HTT-AS: variants seen among roughly 807,000 people sequenced by gnomAD.
HTT-AS encodes HTT antisense RNA.
At chr4:3,069,344 T>C (rs147272122) in intron 1 of HTT-AS, among the ~76,000 whole-genome samples, 13,703 of 150,202 alleles carry the variant, frequency 0.091, 1,007 homozygotes, top group African/African-American at 0.2. Flanking sequence ...TTAGTAGAGA[T>C]GGGGTTTCAC....
Position 3,067,227 on chromosome 4 carries a change from G to A in HTT-AS, n.114-3527C>T, listed in dbSNP as rs1044575721. Among the ~76,000 whole-genome samples the A allele has an allele frequency of 5.9e-5, 9 of 152,144 alleles. No homozygotes were observed. In the South Asian group the frequency reaches 1.0e-3, roughly 18 times the overall value. On this transcript the variant is annotated intron_variant and non_coding_transcript_variant, in intron 1 of 2. Coordinates refer to ENST00000664062, the Ensembl canonical transcript of HTT-AS. ...AAGGAATGGAAAATGCAGAAGAAAG[G>A]ATATGGTGAGAGGATCTAATATACA...
chr4:3,069,151 T>A (rs76326763), intron 1 of HTT-AS, among the ~76,000 whole-genome samples: 6 of 95,462 alleles, frequency 6.3e-5, no homozygotes, highest in African/African-American at 1.4e-4. Context: ...ACGGTGTATG[T>A]TTTTTTTTTT....
chr4:3,074,575 G>C (rs550085802), upstream of HTT-AS: 316 of 366,326 alleles, frequency 8.6e-4, 10 homozygotes, highest in Admixed American at 1.9e-3. Flanking sequence ...CATTGGCAGA[G>C]TCCGCAGGCT....
intron 2 of HTT-AS, among the ~76,000 whole-genome samples, chr4:3,059,644 C>T (rs145738904): frequency 2.0e-3 from 307 of 152,002 alleles, no homozygotes; most frequent in African/African-American, 7.1e-3. Flanking sequence ...GGCTGGAGTG[C>T]AGTGGCCTGA....
chr4:3,071,625 G>A lies in HTT-AS; in HGVS notation n.113+2801C>T, dbSNP rs74433244. Among the ~76,000 whole-genome samples the A allele has an allele frequency of 2.4e-4, 37 of 152,240 alleles. 1 individual carries two copies. The East Asian group carries it at 7.1e-3, about 29-fold the overall frequency. ...ACTCTATTACTTATTGTTATGGGAC[G>A]AACTGTGTCCCTCATTCAGGTTGAT... On this transcript the variant is annotated intron_variant and non_coding_transcript_variant, in intron 1 of 2. Transcript: ENST00000664062.
chr4:3,058,460 G>A (rs1262809642), intron 2 of HTT-AS, among the ~76,000 whole-genome samples: 2 of 152,208 alleles, frequency 1.3e-5, no homozygotes, highest in African/African-American at 2.4e-5. Flanking sequence ...TGAGCTGTGA[G>A]AACAACCAGA....
At chr4:3,063,843 G>T (rs1711990602) in intron 1 of HTT-AS, 1 of 152,178 alleles carries the variant, frequency 6.6e-6, no homozygotes, top group African/African-American at 2.4e-5. Flanking sequence ...GCCAATAAAA[G>T]ATGATTTTAT....
chr4:3,047,203 C>T (rs575456634), downstream of HTT-AS, among the ~76,000 whole-genome samples: 991 of 152,028 alleles, frequency 6.5e-3, 5 homozygotes, highest in Non-Finnish European at 8.5e-3. Context: ...CCCAGCTACT[C>T]GGGAGGCTGA....
At chr4:3,074,588 G>C (rs1712349276), upstream of HTT-AS, 1 of 407,522 alleles carries the variant, frequency 2.5e-6, no homozygotes, top group Non-Finnish European at 4.2e-6. Context: ...CGCAGGCTAG[G>C]GCTGTCAATC....
intron 2 of HTT-AS, among the ~76,000 whole-genome samples, chr4:3,051,832 G>T (rs1249969131): frequency 6.6e-6 from 1 of 151,934 alleles, no homozygotes; most frequent in African/African-American, 2.4e-5. Context: ...CCATAAGCTT[G>T]CTCGCCGCTC....
chr4:3,046,354 C>T (rs1051147444), downstream of HTT-AS, among the ~76,000 whole-genome samples: 19 of 152,196 alleles, frequency 1.2e-4, no homozygotes, highest in Non-Finnish European at 1.9e-4. Flanking sequence ...AGTTTGAACT[C>T]TCAGCAGTGT....
exon 2 of HTT-AS, among the ~76,000 whole-genome samples, chr4:3,062,701 G>C (rs535133517): frequency 1.3e-5 from 2 of 151,682 alleles, no homozygotes; most frequent in Admixed American, 1.3e-4. Context: ...GGGTAAGTGC[G>C]GTTCTCTGGA....
At chr4:3,073,475 G>A (rs1307113615) in intron 1 of HTT-AS, among the ~76,000 whole-genome samples, 1 of 152,248 alleles carries the variant, frequency 6.6e-6, no homozygotes, top group South Asian at 2.1e-4. Context: ...GGGTCCTGCC[G>A]GAAGGTCAGA....
At chr4:3,059,389 ATTGT>A (rs767531303) in intron 2 of HTT-AS, among the ~76,000 whole-genome samples, 3 of 151,622 alleles carry the variant, frequency 2.0e-5, no homozygotes, top group Non-Finnish European at 2.9e-5. Flanking sequence ...CCATTTGTGA[ATTGT>A]TTTTTTTTTC....
downstream of HTT-AS, among the ~76,000 whole-genome samples, chr4:3,047,517 A>G (rs890479410): frequency 6.6e-6 from 1 of 152,224 alleles, no homozygotes; most frequent in African/African-American, 2.4e-5. Flanking sequence ...CAGGGTGAGA[A>G]GTGACCAGAA....
intron 2 of HTT-AS, among the ~76,000 whole-genome samples, chr4:3,054,229 G>A (rs61407336): frequency 0.092 from 13,875 of 151,374 alleles, 847 homozygotes; most frequent in African/African-American, 0.17. Flanking sequence ...AAAGGATCTC[G>A]TATGGTAAAT....
intron 1 of HTT-AS, among the ~76,000 whole-genome samples, chr4:3,068,296 A>G (rs1446412671): frequency 2.4e-5 from 3 of 123,332 alleles, no homozygotes; most frequent in African/African-American, 3.4e-5. Flanking sequence ...ACAGAGCAAG[A>G]CTCTGTCTCA....
At chr4:3,057,417 G>T (rs1711828460) in intron 2 of HTT-AS, among the ~76,000 whole-genome samples, 1 of 152,072 alleles carries the variant, frequency 6.6e-6, no homozygotes, top group Admixed American at 6.6e-5. Flanking sequence ...CCTATTTAAG[G>T]CCAAAACTAT....
At chr4:3,057,268 C>T (rs190897493) in intron 2 of HTT-AS, among the ~76,000 whole-genome samples, 4 of 152,086 alleles carry the variant, frequency 2.6e-5, no homozygotes, top group East Asian at 1.9e-4. Flanking sequence ...CTCCTGACCT[C>T]GTGATCTGCC....
Sources: allele counts gnomAD v4.1 joint callset (sites outside exome capture counted in the v4.1 genomes callset), GRCh38; gene constraint gnomAD v4.1.1; transcripts MANE v1.5; gene names NCBI Gene and HGNC (gene_info 2026-07-23, HGNC 2026-07-21).